Variants in CHD7 observed in about 807,000 individuals in gnomAD.
The protein encoded by CHD7 is ATP-dependent chromatin remodeler CHD7.
Under a neutral mutation model 307.3 loss-of-function variants are expected in CHD7, and 24 were observed. That is an observed-to-expected ratio of 0.08 (90% CI 0.06 to 0.11). The LOEUF is 0.11. CHD7 is among the 10% of genes least tolerant of loss of function. CHD7 has a pLI of 1.00. For missense variants in CHD7, 3,106 were observed against 3,727.1 expected (o/e 0.83, Z 4.34); for synonymous variants, 1,363 against 1,349.9 (o/e 1.01, Z -0.21).
intron 31 of CHD7, 134 bp downstream of exon 31, chr8:60,853,634 C>T: frequency 1.5e-6 from 1 of 667,466 alleles, no homozygotes; most frequent in Non-Finnish European, 2.4e-6. Context: ...GGGATAATTT[C>T]AAGTTATGCT....
rs79650404 is a variant in CHD7, at chr8:60,728,610, G to A, written c.-174-12649G>A. On this transcript the variant is annotated intron_variant, in intron 1 of 37. Transcript: ENST00000423902. The stretch of plus-strand genomic sequence containing the variant: ...GCGCGATCTCGGCTCACTGCAACGA[G>A]CAAGGTCTTTCTTGATGTGCCCGCC... Among the ~76,000 whole-genome samples the A allele has an allele frequency of 4.7e-3, 718 of 152,250 alleles. 2 individuals carry two copies. The highest frequency in any genetic ancestry group is 0.016 in the African/African-American group (676 of 41,528).
intron 31 of CHD7, 50 bp downstream of exon 31, chr8:60,853,550 G>T: frequency 7.0e-7 from 1 of 1,421,864 alleles, no homozygotes; most frequent in South Asian, 1.7e-5. Context: ...AGCTGGTTGT[G>T]AGATGCGTTG....
At chr8:60,679,996 G>C (rs1293151361) in intron 1 of CHD7, among the ~76,000 whole-genome samples, 1 of 151,826 alleles carries the variant, frequency 6.6e-6, no homozygotes, top group Non-Finnish European at 1.5e-5. Context: ...GGCGAGCGCC[G>C]GGAGGCGCGG....
At chr8:60,802,922 T>A (rs989377395) in intron 6 of CHD7, among the ~76,000 whole-genome samples, 7 of 152,190 alleles carry the variant, frequency 4.6e-5, no homozygotes, top group Non-Finnish European at 7.3e-5. Flanking sequence ...CATCTCTAGT[T>A]TATAAGAAAA....
rs778908675 is a variant in CHD7 at position 60,865,741 on chromosome 8, C to T, written c.8802C>T (p.Ser2934=). Residue 2934 remains serine, a synonymous_variant, in exon 38 of 38, where the codon AGC becomes AGT. Coordinates refer to ENST00000423902, the MANE Select transcript of CHD7 (RefSeq NM_017780.4). This position sits in a 1 kb window ranked among gnomAD's most constrained non-coding sequence, Gnocchi z 4.3. ...GACTTCAGAATGCCGTGGGCTCCAGCGAAGAAAAGGCTGCTGACAAGGCTG... is the reference window on the plus strand; with the variant it reads ...GACTTCAGAATGCCGTGGGCTCCAGTGAAGAAAAGGCTGCTGACAAGGCTG... ...LAGLQNAVGS[S]EEKAADKAEG... is the part of the protein sequence containing the mutation. 67 of 1,611,752 alleles carry T rather than the reference C, an allele frequency of 4.2e-5. No individual in the cohort carries two copies. The highest frequency in any genetic ancestry group is 1.6e-4 in the Middle Eastern group (1 of 6,070).
intron 2 of CHD7, among the ~76,000 whole-genome samples, chr8:60,768,542 G>C (rs1810575203): frequency 6.6e-6 from 1 of 152,192 alleles, no homozygotes; most frequent in Non-Finnish European, 1.5e-5. Flanking sequence ...CTCAGACCCT[G>C]CCCTCCAACT....
intron 1 of CHD7, among the ~76,000 whole-genome samples, chr8:60,734,462 C>G (rs891005036): frequency 1.3e-5 from 2 of 152,098 alleles, no homozygotes; most frequent in Non-Finnish European, 2.9e-5. Flanking sequence ...TAGCTTCTGC[C>G]CATGTTGATG....
chr8:60,769,477 C>T (rs2150640919), intron 2 of CHD7, among the ~76,000 whole-genome samples: 1 of 152,236 alleles, frequency 6.6e-6, no homozygotes, highest in South Asian at 2.1e-4. Context: ...ACGTGTGTAC[C>T]TCTGCCCTTA....
intron 7 of CHD7, among the ~76,000 whole-genome samples, chr8:60,813,112 T>G (rs76562278): frequency 0.02 from 3,019 of 152,282 alleles, 91 homozygotes; most frequent in African/African-American, 0.061. Flanking sequence ...TTATACAAAT[T>G]GTACACATTT....
Position 60,746,624 on chromosome 8 carries a change from C to T in CHD7, c.1665+3527C>T, listed in dbSNP as rs534053589. ...TAGACTTAACTCTTCTTGAGTTTTT[C>T]GCTTTTTAAAAATAGAAATTATGTT... On this transcript the variant is annotated intron_variant, in intron 2 of 37. Transcript: ENST00000423902. 5.3e-5 allele frequency among the ~76,000 whole-genome samples: 8 copies of T among 152,198 alleles called. No individual in the cohort carries two copies. In the East Asian group the frequency reaches 7.7e-4, roughly 15 times the overall value.
intron 25 of CHD7, among the ~76,000 whole-genome samples, chr8:60,850,060 T>C (rs1204530128): frequency 6.6e-6 from 1 of 152,104 alleles, no homozygotes; most frequent in African/African-American, 2.4e-5. Flanking sequence ...TATATGGGGA[T>C]TTTTCAGCCA....
chr8:60,824,223 T>A (rs1261452422), intron 13 of CHD7: 1 of 533,290 alleles, frequency 1.9e-6, no homozygotes, highest in Admixed American at 3.4e-5. Context: ...ACAGTTGTAT[T>A]ATAGCAGAGT....
chr8:60,866,140 GGA>G lies in CHD7; in HGVS notation c.*212_*213del, dbSNP rs1293564341. 8 of 441,616 alleles carry G rather than the reference GGA, an allele frequency of 1.8e-5. No homozygotes were observed. The highest frequency in any genetic ancestry group is 2.4e-5 in the Non-Finnish European group (6 of 249,862). The allele number at this position is 441,616 out of a possible 1,614,324, so 27.4% of individuals were successfully genotyped here. A position where few individuals can be genotyped will look rare whatever the true frequency, so the allele number is the denominator to read the frequency against. On this transcript the variant is annotated 3_prime_UTR_variant, in exon 38 of 38. Transcript: ENST00000423902. ...TGCAGTGCATTATTTATTATCCCTA[GGA>G]GAGATGAAATTTGAGAGGTGATCAT... is the stretch of plus-strand genomic sequence containing the variant.
intron 4 of CHD7, among the ~76,000 whole-genome samples, chr8:60,798,986 C>T (rs1812163995): frequency 6.6e-6 from 1 of 152,134 alleles, no homozygotes. Flanking sequence ...ATCTTTATAG[C>T]TATTAATAAT....
In CHD7 at chr8:60,852,875, A is replaced by T; in HGVS notation, c.6150A>T (p.Arg2050=). ...TAATTGAGCCGATCACAGAGGAGCGAGCCTCTCGAACTCTGTACCGCATTG... is the reference window on the plus strand; with the variant it reads ...TAATTGAGCCGATCACAGAGGAGCGTGCCTCTCGAACTCTGTACCGCATTG... The part of the protein sequence containing the change: ...SSIIEPITEE[R]ASRTLYRIEL... The change falls in exon 31 of 38, where the codon CGA becomes CGT. Residue 2050 remains arginine (R), a synonymous_variant. Transcript: ENST00000423902. The T allele has an allele frequency of 1.2e-6, 2 of 1,613,946 alleles. No homozygotes were observed. The highest frequency in any genetic ancestry group is 1.7e-6 in the Non-Finnish European group (2 of 1,179,834).
intron 1 of CHD7, among the ~76,000 whole-genome samples, chr8:60,735,670 G>T (rs1808668113): frequency 6.6e-6 from 1 of 152,284 alleles, no homozygotes; most frequent in South Asian, 2.1e-4. Flanking sequence ...ATCCCAAAGG[G>T]TAGATATGGA....
At chr8:60,707,360 G>C (rs985716377) in intron 1 of CHD7, among the ~76,000 whole-genome samples, 1 of 152,164 alleles carries the variant, frequency 6.6e-6, no homozygotes, top group Non-Finnish European at 1.5e-5. Context: ...AAAGGAATTT[G>C]CTTGCTTTCC....
intron 4 of CHD7, among the ~76,000 whole-genome samples, chr8:60,799,614 A>G (rs1013776499): frequency 1.3e-5 from 2 of 152,236 alleles, no homozygotes; most frequent in Admixed American, 6.5e-5. Flanking sequence ...CTTGGTTAGT[A>G]TTATAACAAT....
At chr8:60,733,657 T>G (rs867469476) in intron 1 of CHD7, among the ~76,000 whole-genome samples, 1 of 152,222 alleles carries the variant, frequency 6.6e-6, no homozygotes, top group Admixed American at 6.5e-5. Context: ...TTTTGACCAC[T>G]TTGGAAAAAG....
Sources: gnomAD v4.1 joint callset for allele counts (sites outside exome capture counted in the v4.1 genomes callset) on GRCh38, gnomAD v4.1.1 for gene constraint, Gnocchi (gnomAD v3.1) non-coding constraint, MANE v1.5 for transcripts, NCBI Gene and HGNC (gene_info 2026-07-23, HGNC 2026-07-21) for gene names.